The following RABGAP1L variants were observed in gnomAD, a reference collection of about 807,000 sequenced individuals.
The protein encoded by RABGAP1L is RAB GTPase activating protein 1 like.
Under a neutral mutation model 137.7 loss-of-function variants are expected in RABGAP1L, and 63 were observed. The ratio of observed to expected loss-of-function variants is 0.46; its 90% CI spans 0.37 to 0.56. The LOEUF is 0.56. Among genes scored for constraint, RABGAP1L ranks in the 20% least tolerant of loss-of-function variants. RABGAP1L has a pLI of 0.00. For synonymous variants in RABGAP1L, 431 were observed against 433.7 expected, an observed-to-expected ratio of 0.99 and a Z score of 0.08; for missense variants, 1,095 against 1,244.0, an observed-to-expected ratio of 0.88 and a Z score of 1.80.
intron 13 of RABGAP1L, among the ~76,000 whole-genome samples, chr1:174,434,112 C>T (rs1367098818): frequency 1.8e-5 from 2 of 113,938 alleles, no homozygotes; most frequent in Non-Finnish European, 3.4e-5. Flanking sequence ...TACACATACA[C>T]ACACACACAC....
At chr1:174,636,763 C>G (rs2148339706) in intron 13 of RABGAP1L, among the ~76,000 whole-genome samples, 1 of 152,128 alleles carries the variant, frequency 6.6e-6, no homozygotes, top group South Asian at 2.1e-4. Context: ...AATGACAGTT[C>G]TGGAGAGAGA....
intron 13 of RABGAP1L, among the ~76,000 whole-genome samples, chr1:174,600,427 C>G (rs1487392986): frequency 6.6e-6 from 1 of 152,144 alleles, no homozygotes; most frequent in Admixed American, 6.5e-5. Flanking sequence ...GTCCACAGTC[C>G]AAAGTCTCAT....
Position 174,841,860 on chromosome 1 carries a change from CT to C in RABGAP1L, c.2340+29912del, listed in dbSNP as rs757469241. Among the ~76,000 whole-genome samples, 574 of 144,420 alleles carry C rather than the reference CT, an allele frequency of 4.0e-3. 1 individual carries two copies. The highest frequency in any genetic ancestry group is 5.0e-3 in the Admixed American group (72 of 14,440). The allele number at this position is 144,420 out of a possible 152,430, so 94.7% of individuals were successfully genotyped here. ...TAAACTATTAGCACAGAATAACTTT[CT>C]TTTTTTTTTTTGATATAGGAAGTCC... On this transcript the variant is annotated intron_variant, in intron 19 of 25. Coordinates refer to ENST00000681986, the MANE Select transcript of RABGAP1L (RefSeq NM_001366446.1).
intron 20 of RABGAP1L, among the ~76,000 whole-genome samples, chr1:174,965,760 C>G (rs774317452): frequency 6.6e-6 from 1 of 152,204 alleles, no homozygotes; most frequent in Admixed American, 6.5e-5. Flanking sequence ...TCTGACACTT[C>G]CCACTGTGCT....
At chr1:174,538,990 G>A (rs1246596251) in intron 13 of RABGAP1L, among the ~76,000 whole-genome samples, 2 of 152,046 alleles carry the variant, frequency 1.3e-5, no homozygotes, top group Non-Finnish European at 2.9e-5. Context: ...GACTGCCTAC[G>A]TTCATTAAAA....
intron 14 of RABGAP1L, among the ~76,000 whole-genome samples, chr1:174,679,086 AT>A (rs1677858638): frequency 6.6e-6 from 1 of 152,224 alleles, no homozygotes; most frequent in Non-Finnish European, 1.5e-5. Flanking sequence ...GCCTGCTCAA[AT>A]GCCTGGGTTT....
chr1:174,534,855 G>A lies in RABGAP1L; in HGVS notation c.1711-102520G>A, dbSNP rs144610027. On this transcript the variant is annotated intron_variant, in intron 13 of 25. Transcript: ENST00000681986. Reference sequence around the variant, plus strand: ...CTAATCTTGTACATTGTACTTTGGAGCAATTATTAGGGAAAATAAGGGTTA... The same window carrying A: ...CTAATCTTGTACATTGTACTTTGGAACAATTATTAGGGAAAATAAGGGTTA... 6.1e-4 allele frequency among the ~76,000 whole-genome samples: 92 copies of A among 150,250 alleles called. No homozygotes were observed. The East Asian group carries it at 0.016, about 27-fold the overall frequency.
At chr1:174,502,672 A>G (rs7535845) in intron 13 of RABGAP1L, among the ~76,000 whole-genome samples, 56,321 of 147,508 alleles carry the variant, frequency 0.38, 13,587 homozygotes, top group African/African-American at 0.68. Flanking sequence ...GTGTGTGTAT[A>G]TATACATATA....
chr1:174,718,122 C>T (rs1301927990), intron 17 of RABGAP1L, among the ~76,000 whole-genome samples: 1 of 152,126 alleles, frequency 6.6e-6, no homozygotes, highest in Non-Finnish European at 1.5e-5. Context: ...CTGTTGTCTT[C>T]TTCTTTCATT....
chr1:174,978,922 TA>T (rs1670867236), intron 23 of RABGAP1L, 32 bp downstream of exon 23: 2 of 1,467,456 alleles, frequency 1.4e-6, no homozygotes, highest in South Asian at 2.8e-5. Flanking sequence ...TAGAGCTAGT[TA>T]TAGTTTGCTG....
intron 18 of RABGAP1L, chr1:174,756,984 G>T: frequency 1.1e-6 from 1 of 929,004 alleles, no homozygotes; most frequent in Non-Finnish European, 1.6e-6. Context: ...AACTGGCCAA[G>T]GACAACATAG....
At chr1:174,530,022 C>A in intron 13 of RABGAP1L, among the ~76,000 whole-genome samples, 1 of 152,052 alleles carries the variant, frequency 6.6e-6, no homozygotes, top group East Asian at 2.0e-4. Context: ...AGGTACCAGC[C>A]ATGTTACGCA....
At chr1:174,931,100 G>A (rs1388037519) in intron 19 of RABGAP1L, among the ~76,000 whole-genome samples, 1 of 152,096 alleles carries the variant, frequency 6.6e-6, no homozygotes, top group Non-Finnish European at 1.5e-5. Context: ...TAAGCAGAGT[G>A]AATGCTCTTA....
chr1:174,184,938 CTTTA>C (rs1227513786), intron 1 of RABGAP1L, among the ~76,000 whole-genome samples: 1 of 152,156 alleles, frequency 6.6e-6, no homozygotes, highest in Non-Finnish European at 1.5e-5. Flanking sequence ...GCGATGTCTA[CTTTA>C]TTTAAGAAGA....
chr1:174,356,337 A>G (rs1345381138), intron 11 of RABGAP1L, among the ~76,000 whole-genome samples: 1 of 152,132 alleles, frequency 6.6e-6, no homozygotes, highest in Non-Finnish European at 1.5e-5. Flanking sequence ...GAATACCTTC[A>G]ATCACAACAT....
At chr1:174,550,919 CACATAT>C (rs1666422647) in intron 13 of RABGAP1L, among the ~76,000 whole-genome samples, 1 of 110,422 alleles carries the variant, frequency 9.1e-6, no homozygotes, top group Admixed American at 8.8e-5. Context: ...TACACACACA[CACATAT>C]ATATATACAC....
chr1:174,790,487 A>G (rs558971778), intron 18 of RABGAP1L, among the ~76,000 whole-genome samples: 55 of 151,798 alleles, frequency 3.6e-4, no homozygotes, highest in African/African-American at 1.3e-3. Flanking sequence ...GCCAGGCATG[A>G]TGGCTGGCTA....
At chr1:174,741,855 CAAAAAAAAAAAA>C (rs775821774) in intron 17 of RABGAP1L, among the ~76,000 whole-genome samples, 1 of 41,896 alleles carries the variant, frequency 2.4e-5, no homozygotes, top group African/African-American at 1.1e-4. Flanking sequence ...CCTATTTCTA[CAAAAAAAAAAAA>C]AAAAAAAAAA....
chr1:174,242,908 A>G (rs1345411576), intron 5 of RABGAP1L: 1 of 152,180 alleles, frequency 6.6e-6, no homozygotes, highest in African/African-American at 2.4e-5. Flanking sequence ...CAGTGAATAT[A>G]AATATGCTGA....
Sources: allele counts gnomAD v4.1 joint callset (sites outside exome capture counted in the v4.1 genomes callset), GRCh38; gene constraint gnomAD v4.1.1; transcripts MANE v1.5; gene names NCBI Gene and HGNC (gene_info 2026-07-23, HGNC 2026-07-21).